The following SPON1 variants were observed in gnomAD, a reference collection of about 807,000 sequenced individuals.
The protein encoded by SPON1 is spondin 1, also known as spondin-1.
A neutral mutation model predicts 111.7 loss-of-function variants in SPON1; 52 were observed. The observed-to-expected ratio is 0.47, with a 90% CI of 0.37 to 0.59. SPON1 has a LOEUF of 0.59. Ranked by LOEUF, SPON1 falls within the 20% of genes least tolerant of loss-of-function variation. The pLI, the probability that SPON1 is intolerant of heterozygous loss-of-function variation, is 0.00. For missense variants in SPON1, 957 were observed against 1,068.5 expected (o/e 0.90, Z 1.46); for synonymous variants, 410 against 395.8 (o/e 1.04, Z -0.43).
At chr11:14,165,560 A>C (rs7940723) in intron 6 of SPON1, among the ~76,000 whole-genome samples, 29,601 of 152,156 alleles carry the variant, frequency 0.19, 2,986 homozygotes, top group Admixed American at 0.25. Flanking sequence ...AAGGTAAATA[A>C]CGAGTCCGAG....
At position 14,126,187 on chromosome 11, in the gene SPON1, C is replaced by T. The variant is rs79394510; in HGVS notation, c.677-9233C>T. Among the ~76,000 whole-genome samples the T allele has an allele frequency of 4.0e-3, 612 of 152,284 alleles. 5 individuals carry two copies. The highest frequency in any genetic ancestry group is 0.013 in the Admixed American group (195 of 15,294). On this transcript the variant is annotated intron_variant, in intron 5 of 15. Transcript: ENST00000576479. Reference sequence around the variant, plus strand: ...TATTCATCCAGAACACCCTCATAGACATAACTACTTTGATCAAATGTCTGC... The same window carrying T: ...TATTCATCCAGAACACCCTCATAGATATAACTACTTTGATCAAATGTCTGC...
In SPON1 at chr11:14,045,072, G is replaced by A. The variant is rs144847351; in HGVS notation, c.479+3418G>A. Among the ~76,000 whole-genome samples the A allele has an allele frequency of 7.3e-3, 1,112 of 152,254 alleles. 22 individuals are homozygous for A. The highest frequency in any genetic ancestry group is 7.5e-3 in the Non-Finnish European group (509 of 68,018). Reference sequence around the variant, plus strand: ...GCCAAGAAATGGGATCATAAGGGATGCACATTTATAATTTTATTAGATGCT... The same window carrying A: ...GCCAAGAAATGGGATCATAAGGGATACACATTTATAATTTTATTAGATGCT... On this transcript the variant is annotated intron_variant, in intron 3 of 15. Transcript: ENST00000576479.
At chr11:13,993,069 G>A (rs1240971529) in intron 2 of SPON1, among the ~76,000 whole-genome samples, 1 of 151,614 alleles carries the variant, frequency 6.6e-6, no homozygotes, top group Non-Finnish European at 1.5e-5. Flanking sequence ...CTCTAAAAGT[G>A]ACTTTGAGAG....
chr11:14,264,501 A>AT (rs1554942243), intron 15 of SPON1, among the ~76,000 whole-genome samples: 3 of 152,118 alleles, frequency 2.0e-5, no homozygotes, highest in African/African-American at 7.2e-5. Context: ...AAGTTTTCTG[A>AT]TTTTTAAAGG....
chr11:14,071,333 T>C (rs1039722542), intron 3 of SPON1, among the ~76,000 whole-genome samples: 1 of 152,136 alleles, frequency 6.6e-6, no homozygotes, highest in Non-Finnish European at 1.5e-5. Flanking sequence ...AATGTTGGTC[T>C]TCCTCAGGGT....
At chr11:14,120,539 A>T (rs1425337051) in intron 5 of SPON1, among the ~76,000 whole-genome samples, 1 of 152,074 alleles carries the variant, frequency 6.6e-6, no homozygotes, top group African/African-American at 2.4e-5. Context: ...TGCCTGACTC[A>T]TTCTGTCACC....
At chr11:14,158,249 G>T (rs112494205) in intron 6 of SPON1, among the ~76,000 whole-genome samples, 1 of 152,020 alleles carries the variant, frequency 6.6e-6, no homozygotes, top group Non-Finnish European at 1.5e-5. Flanking sequence ...AGCTCTTCAG[G>T]GTTCCTCACT....
chr11:14,041,892 C>T (rs12797530), intron 3 of SPON1, among the ~76,000 whole-genome samples: 60,445 of 151,902 alleles, frequency 0.4, 13,091 homozygotes, highest in South Asian at 0.57. Context: ...CCTGTCCTAC[C>T]AGAGATAATT....
At chr11:14,170,333 G>A (rs1848082148) in intron 6 of SPON1, among the ~76,000 whole-genome samples, 1 of 152,082 alleles carries the variant, frequency 6.6e-6, no homozygotes, top group African/African-American at 2.4e-5. Flanking sequence ...TGTGATTTTT[G>A]CACATTGATT....
chr11:14,117,723 G>T (rs1434546353), intron 5 of SPON1, among the ~76,000 whole-genome samples: 1 of 152,026 alleles, frequency 6.6e-6, no homozygotes, highest in Non-Finnish European at 1.5e-5. Context: ...AATAGACTTT[G>T]CTTCTATTAT....
intron 6 of SPON1, among the ~76,000 whole-genome samples, chr11:14,235,968 T>C (rs1256308171): frequency 6.6e-6 from 1 of 151,980 alleles, no homozygotes; most frequent in Non-Finnish European, 1.5e-5. Flanking sequence ...ACATAAGAAG[T>C]CCAGGATGCC....
At chr11:14,242,463 G>T (rs1020375614) in intron 6 of SPON1, among the ~76,000 whole-genome samples, 40 of 152,188 alleles carry the variant, frequency 2.6e-4, no homozygotes, top group African/African-American at 8.2e-4. Flanking sequence ...GCCAGGGAAA[G>T]GGGCCATACA....
At chr11:14,163,625 C>T (rs2133877311) in intron 6 of SPON1, among the ~76,000 whole-genome samples, 1 of 152,226 alleles carries the variant, frequency 6.6e-6, no homozygotes, top group African/African-American at 2.4e-5. Flanking sequence ...GTTTGAGCTC[C>T]TTGTGATTTC....
chr11:14,200,814 TAAAAAA>T (rs572814576), intron 6 of SPON1, among the ~76,000 whole-genome samples: 1,321 of 79,126 alleles, frequency 0.017, 8 homozygotes, highest in Non-Finnish European at 0.026. Flanking sequence ...GACCCTGTCT[TAAAAAA>T]AAAAAAAAAA....
At chr11:14,160,285 G>T (rs1399668977) in intron 6 of SPON1, among the ~76,000 whole-genome samples, 2 of 116,844 alleles carry the variant, frequency 1.7e-5, no homozygotes, top group Admixed American at 9.9e-5. Context: ...ACTGAAAAAA[G>T]TTGAAAATAT....
intron 6 of SPON1, among the ~76,000 whole-genome samples, chr11:14,161,011 T>C (rs182370523): frequency 0.028 from 860 of 30,892 alleles, 78 homozygotes; most frequent in African/African-American, 0.046. Flanking sequence ...ATTTATATAT[T>C]TATATATCTA....
chr11:14,022,245 TC>T (rs544693447), intron 2 of SPON1, among the ~76,000 whole-genome samples: 16 of 152,252 alleles, frequency 1.1e-4, no homozygotes, highest in Non-Finnish European at 1.3e-4. Context: ...CCAGCTGAGC[TC>T]CCAAGTACAG....
intron 6 of SPON1, among the ~76,000 whole-genome samples, chr11:14,235,638 C>G (rs1415007949): frequency 7.2e-6 from 1 of 138,076 alleles, no homozygotes; most frequent in Non-Finnish European, 1.5e-5. Context: ...ATGATTATGC[C>G]CCTGTACTCC....
chr11:14,041,748 A>G (rs1232272178), intron 3 of SPON1, 94 bp downstream of exon 3: 5 of 1,425,248 alleles, frequency 3.5e-6, no homozygotes, highest in Non-Finnish European at 4.8e-6. Context: ...GAGCATCAGA[A>G]AGTTGCATCA....
Sources: gnomAD v4.1 joint callset for allele counts (sites outside exome capture counted in the v4.1 genomes callset) on GRCh38, gnomAD v4.1.1 for gene constraint, MANE v1.5 for transcripts, NCBI Gene and HGNC (gene_info 2026-07-23, HGNC 2026-07-21) for gene names.